The following WDFY4 variants were observed in gnomAD, a reference collection of about 807,000 sequenced individuals.
WDFY4 encodes the protein WD repeat- and FYVE domain-containing protein 4.
In WDFY4, 169 loss-of-function variants were observed where a neutral mutation model predicts 351.9. The observed-to-expected ratio is 0.48, with a 90% CI of 0.42 to 0.55. The LOEUF (loss-of-function observed/expected upper bound fraction) is 0.55. Among genes scored for constraint, WDFY4 ranks in the 20% least tolerant of loss-of-function variants. WDFY4 has a pLI of 0.00. For missense variants in WDFY4, 3,803 were observed against 3,935.6 expected, an observed-to-expected ratio of 0.97 and a Z score of 0.90; for synonymous variants, 1,622 against 1,574.6, an observed-to-expected ratio of 1.03 and a Z score of -0.71.
At chr10:48,722,894 G>A (rs1381529664) in intron 4 of WDFY4, among the ~76,000 whole-genome samples, 1 of 152,202 alleles carries the variant, frequency 6.6e-6, no homozygotes, top group Non-Finnish European at 1.5e-5. Context: ...GTTGCTGGCT[G>A]TCTGATTGTC....
At chr10:48,738,595 G>C (rs1248182937) in intron 11 of WDFY4, among the ~76,000 whole-genome samples, 1 of 152,202 alleles carries the variant, frequency 6.6e-6, no homozygotes, top group African/African-American at 2.4e-5. Context: ...ACCTCTTCCA[G>C]ACTCGCCCAC....
chr10:48,791,801 C>G (rs149731863), intron 23 of WDFY4, among the ~76,000 whole-genome samples: 3 of 152,086 alleles, frequency 2.0e-5, no homozygotes, highest in Admixed American at 6.5e-5. Flanking sequence ...CTGTGTCTCT[C>G]GCTACTGGGT....
chr10:48,956,121 C>T (rs1307606541), intron 51 of WDFY4, among the ~76,000 whole-genome samples: 5 of 152,222 alleles, frequency 3.3e-5, no homozygotes, highest in African/African-American at 1.2e-4. Flanking sequence ...ACCCCCAAGA[C>T]CACCTGGTGA....
In WDFY4 at chr10:48,858,618, A is replaced by G. The variant is rs117224231; in HGVS notation, c.6664-8647A>G. On this transcript the variant is annotated intron_variant, in intron 39 of 61. Coordinates refer to ENST00000325239, the MANE Select transcript of WDFY4 (RefSeq NM_001394531.1). ...CAATTACTGTAACTATGAGTATACT[A>G]AGTCTTGAAATCCGGTGGAATGATT... Among the ~76,000 whole-genome samples, 116 of 152,320 alleles carry G rather than the reference A, an allele frequency of 7.6e-4. 3 individuals carry two copies. In the East Asian group the frequency reaches 0.02, roughly 27 times the overall value.
chr10:48,763,868 G>A (rs952046640), intron 13 of WDFY4, among the ~76,000 whole-genome samples: 1 of 152,186 alleles, frequency 6.6e-6, no homozygotes, highest in African/African-American at 2.4e-5. Context: ...ATTAATTTCT[G>A]TAAGGGAGTG....
intron 23 of WDFY4, among the ~76,000 whole-genome samples, chr10:48,794,580 G>T (rs1464923977): frequency 6.6e-6 from 1 of 152,168 alleles, no homozygotes; most frequent in African/African-American, 2.4e-5. Context: ...AGAGAAGAAG[G>T]TTGAGGGGGA....
chr10:48,946,921 C>T lies in WDFY4; in HGVS notation c.7929C>T (p.Ser2643=), dbSNP rs1225364155. Residue 2643 remains serine, a synonymous_variant, in exon 51 of 62, where the codon TCC becomes TCT. Transcript: ENST00000325239. ...ACTCCTCGGCCATCATCGTGGCCTC[C>T]TACCTGGTCCGGATGCCACCCTTCA... ...THYSSAIIVA[S]YLVRMPPFTQ... is the part of the protein sequence containing the mutation. The T allele has an allele frequency of 6.4e-7, 1 of 1,551,984 alleles. No individual in the cohort carries two copies.
At chr10:48,869,590 A>G (rs1249565158) in intron 40 of WDFY4, among the ~76,000 whole-genome samples, 1 of 151,776 alleles carries the variant, frequency 6.6e-6, no homozygotes, top group African/African-American at 2.4e-5. Context: ...TTGCCTCTAC[A>G]GTCTGGCCCT....
intron 39 of WDFY4, among the ~76,000 whole-genome samples, chr10:48,842,327 C>T (rs2068634820): frequency 6.6e-6 from 1 of 151,916 alleles, no homozygotes; most frequent in Non-Finnish European, 1.5e-5. Flanking sequence ...CATTGCACAG[C>T]AGCTGGTGGT....
intron 41 of WDFY4, among the ~76,000 whole-genome samples, chr10:48,874,529 A>G (rs917443844): frequency 6.6e-6 from 1 of 152,196 alleles, no homozygotes; most frequent in African/African-American, 2.4e-5. Context: ...CCTTTGTAAA[A>G]TCTAATGAAA....
intron 1 of WDFY4, among the ~76,000 whole-genome samples, chr10:48,692,150 T>G (rs10857618): frequency 0.72 from 109,466 of 152,146 alleles, 40,034 homozygotes; most frequent in African/African-American, 0.8. Context: ...AGCCTTCGAG[T>G]GGTGTGTAGG....
At chr10:48,789,804 C>T in intron 21 of WDFY4, 70 bp from the exon 22 acceptor site, 4 of 1,468,190 alleles carry the variant, frequency 2.7e-6, no homozygotes, top group Non-Finnish European at 3.7e-6. Flanking sequence ...GCCTGCCCTC[C>T]AGGAGCTCGT....
chr10:48,810,258 G>A (rs925997598), intron 28 of WDFY4, among the ~76,000 whole-genome samples: 20 of 152,208 alleles, frequency 1.3e-4, no homozygotes, highest in Non-Finnish European at 1.9e-4. Context: ...AGGGGCATGC[G>A]CATTTTTACC....
chr10:48,754,816 A>G (rs1309281121), intron 12 of WDFY4, among the ~76,000 whole-genome samples: 1 of 152,170 alleles, frequency 6.6e-6, no homozygotes, highest in African/African-American at 2.4e-5. Context: ...ACTCCTGAGC[A>G]CCTTAGCTAC....
chr10:48,937,097 T>C (rs1331205564), intron 47 of WDFY4, among the ~76,000 whole-genome samples: 2 of 151,992 alleles, frequency 1.3e-5, no homozygotes, highest in Non-Finnish European at 2.9e-5. Flanking sequence ...TTTTTCCATG[T>C]TGGCTAGGCT....
chr10:48,840,425 T>TACACAC (rs10637501), intron 39 of WDFY4, among the ~76,000 whole-genome samples: 1,822 of 145,700 alleles, frequency 0.013, 33 homozygotes, highest in African/African-American at 0.038. Flanking sequence ...CACATACACA[T>TACACAC]ACACACACAC....
intron 39 of WDFY4, among the ~76,000 whole-genome samples, chr10:48,850,033 A>G (rs1442369426): frequency 6.6e-6 from 1 of 152,220 alleles, no homozygotes; most frequent in Admixed American, 6.5e-5. Context: ...CTTTGGAAGG[A>G]CAACCACAGA....
chr10:48,776,475 G>A (rs1241472704), intron 15 of WDFY4, among the ~76,000 whole-genome samples: 1 of 152,188 alleles, frequency 6.6e-6, no homozygotes, highest in Non-Finnish European at 1.5e-5. Flanking sequence ...AGAGGTGGCA[G>A]CAGTAGAATG....
At chr10:48,941,525 G>A (rs958142939) in intron 47 of WDFY4, among the ~76,000 whole-genome samples, 2 of 152,198 alleles carry the variant, frequency 1.3e-5, no homozygotes, top group African/African-American at 4.8e-5. Flanking sequence ...CCAAGCCTGA[G>A]GCTGCATGTC....
Sources: allele counts gnomAD v4.1 joint callset (sites outside exome capture counted in the v4.1 genomes callset), GRCh38; gene constraint gnomAD v4.1.1; transcripts MANE v1.5; gene names NCBI Gene and HGNC (gene_info 2026-07-23, HGNC 2026-07-21).